The following MCCC2 variants were observed in gnomAD, a reference collection of about 807,000 sequenced individuals.
MCCC2 encodes methylcrotonoyl-CoA carboxylase beta chain, mitochondrial.
In MCCC2, 52 loss-of-function variants were observed where a neutral mutation model predicts 77.2. The observed-to-expected ratio is 0.67, with a 90% CI of 0.54 to 0.85. MCCC2 has a LOEUF of 0.85. Ranked by LOEUF, MCCC2 falls within the 40% of genes least tolerant of loss-of-function variation. The pLI, the probability that MCCC2 is intolerant of heterozygous loss-of-function variation, is 0.00. For missense variants in MCCC2, 682 were observed against 703.2 expected (o/e 0.97, Z 0.34); for synonymous variants, 253 against 248.4 (o/e 1.02, Z -0.18).
chr5:71,634,020 C>T (rs138221324), intron 8 of MCCC2, among the ~76,000 whole-genome samples: 4 of 152,338 alleles, frequency 2.6e-5, no homozygotes, highest in Non-Finnish European at 1.5e-5. Flanking sequence ...CATGAAATCA[C>T]TGAGAGCCTA....
At chr5:71,638,676 A>G (rs1445532338) in intron 10 of MCCC2, among the ~76,000 whole-genome samples, 1 of 152,214 alleles carries the variant, frequency 6.6e-6, no homozygotes, top group Non-Finnish European at 1.5e-5. Flanking sequence ...GCATGCCACC[A>G]TTCCCAGCTA....
intron 6 of MCCC2, among the ~76,000 whole-genome samples, chr5:71,616,541 C>G (rs1277952989): frequency 6.6e-6 from 1 of 152,154 alleles, no homozygotes; most frequent in African/African-American, 2.4e-5. Flanking sequence ...CTGTGTCAGA[C>G]AGTAGGAAAA....
chr5:71,656,468 G>A (rs1747580083), intron 16 of MCCC2, among the ~76,000 whole-genome samples: 1 of 152,104 alleles, frequency 6.6e-6, no homozygotes, highest in Admixed American at 6.6e-5. Flanking sequence ...TCAAATTAGG[G>A]GTTACTTTGA....
At chr5:71,647,391 G>T (rs140402509) in intron 13 of MCCC2, among the ~76,000 whole-genome samples, 1 of 152,192 alleles carries the variant, frequency 6.6e-6, no homozygotes, top group Non-Finnish European at 1.5e-5. Flanking sequence ...CAGCCTAAGA[G>T]GGTCCTGCAT....
chr5:71,634,494 G>A (rs1416029549), intron 8 of MCCC2, among the ~76,000 whole-genome samples: 1 of 152,218 alleles, frequency 6.6e-6, no homozygotes, highest in Admixed American at 6.5e-5. Context: ...TAGGAGCTCA[G>A]TTACGTACAC....
At chr5:71,597,953 G>A (rs558530121) in intron 3 of MCCC2, among the ~76,000 whole-genome samples, 26 of 152,104 alleles carry the variant, frequency 1.7e-4, no homozygotes, top group Non-Finnish European at 2.9e-4. Context: ...CTTACTTACT[G>A]TGTAACCTTA....
chr5:71,611,225 AC>A (rs1438994244), intron 6 of MCCC2, among the ~76,000 whole-genome samples: 1 of 151,966 alleles, frequency 6.6e-6, no homozygotes, highest in Non-Finnish European at 1.5e-5. Flanking sequence ...ACATAGGGAG[AC>A]CCTGTCTCTA....
intron 15 of MCCC2, among the ~76,000 whole-genome samples, chr5:71,651,505 C>T (rs1277915779): frequency 6.6e-6 from 1 of 152,160 alleles, no homozygotes; most frequent in African/African-American, 2.4e-5. Context: ...CCTGAAGTTG[C>T]TTAGGTACAC....
At chr5:71,624,565 C>T (rs960227619) in intron 6 of MCCC2, among the ~76,000 whole-genome samples, 7 of 151,660 alleles carry the variant, frequency 4.6e-5, no homozygotes, top group African/African-American at 4.8e-5. Context: ...TTAGTAGAGA[C>T]GGGGTTTCTC....
intron 1 of MCCC2, among the ~76,000 whole-genome samples, chr5:71,591,737 G>A (rs976907007): frequency 4.0e-5 from 6 of 151,116 alleles, no homozygotes; most frequent in Non-Finnish European, 8.9e-5. Flanking sequence ...ACGGCTGGCC[G>A]AGTTTTGTTC....
rs563621088 is a variant in MCCC2 at position 71,614,486 on chromosome 5, T to C, written c.624+10018T>C. ...TGAGACCCCATCTCTCTCTCTCTCT[T>C]TTTTTTTTTTTTTGAGATGGAGTCC... On this transcript the variant is annotated intron_variant, in intron 6 of 16. Coordinates refer to ENST00000340941, the MANE Select transcript of MCCC2 (RefSeq NM_022132.5). Among the ~76,000 whole-genome samples the C allele has an allele frequency of 1.8e-3, 254 of 143,524 alleles. 2 individuals carry two copies. The highest frequency in any genetic ancestry group is 1.9e-3 in the Non-Finnish European group (124 of 66,066). 94.2% of individuals were successfully genotyped at this position (143,524 alleles called of 152,430 possible). A position where few individuals can be genotyped will look rare whatever the true frequency, so the allele number is the denominator to read the frequency against.
Position 71,635,153 on chromosome 5 carries a change from C to T in MCCC2, c.906C>T (p.Val302=). 6.2e-7 allele frequency: 1 copy of T among 1,614,092 alleles called. No individual in the cohort carries two copies. Among genetic ancestry groups the T allele is most frequent in the Non-Finnish European group, 8.5e-7 (1 of 1,179,984 alleles). The stretch of plus-strand genomic sequence containing the variant: ...TAACATGATCTATATTTCTGCAGGT[C>T]ACCATTGAACCTTCTGAAGAGCCTT... ...RNLNYQKKLD[V]TIEPSEEPLF... is the part of the protein sequence containing the mutation. The change falls in exon 10 of 17, where the codon GTC becomes GTT. Residue 302 remains valine (V), a splice_region_variant and synonymous_variant. Coordinates refer to ENST00000340941, the MANE Select transcript of MCCC2 (RefSeq NM_022132.5).
At chr5:71,638,198 T>G (rs1329616078) in intron 10 of MCCC2, among the ~76,000 whole-genome samples, 1 of 152,220 alleles carries the variant, frequency 6.6e-6, no homozygotes, top group East Asian at 1.9e-4. Flanking sequence ...CCTCATCTGT[T>G]CAAGTTTGAA....
At chr5:71,597,254 G>C (rs547449491) in intron 3 of MCCC2, among the ~76,000 whole-genome samples, 21 of 152,268 alleles carry the variant, frequency 1.4e-4, no homozygotes, top group African/African-American at 4.8e-4. Flanking sequence ...AGGCTGGGGT[G>C]GTTGTGGTGG....
At chr5:71,593,552 A>C (rs987212247) in intron 2 of MCCC2, among the ~76,000 whole-genome samples, 1 of 150,620 alleles carries the variant, frequency 6.6e-6, no homozygotes, top group Non-Finnish European at 1.5e-5. Flanking sequence ...TTTATTTTTA[A>C]TTTTTATTAA....
At chr5:71,616,120 C>G (rs277951) in intron 6 of MCCC2, among the ~76,000 whole-genome samples, 18 of 152,160 alleles carry the variant, frequency 1.2e-4, no homozygotes, top group African/African-American at 3.9e-4. Context: ...TCCCACTCCG[C>G]GGGGACAGAA....
chr5:71,603,924 G>A (rs1021587914), intron 5 of MCCC2, among the ~76,000 whole-genome samples: 20 of 152,154 alleles, frequency 1.3e-4, no homozygotes, highest in Non-Finnish European at 2.1e-4. Context: ...TGCTTTGAAC[G>A]CAACTGACCT....
chr5:71,595,465 G>A (rs1396810232), intron 2 of MCCC2, among the ~76,000 whole-genome samples: 2 of 147,394 alleles, frequency 1.4e-5, no homozygotes, highest in Admixed American at 6.8e-5. Flanking sequence ...TTGGAAGATC[G>A]TTTGAGATTA....
chr5:71,649,152 G>C lies in MCCC2; in HGVS notation c.1272G>C (p.Lys424Asn), dbSNP rs1747359342. The change falls in exon 14 of 17, where the codon AAG becomes AAC. Residue 424 changes from lysine (K) to asparagine (N), a missense_variant. By Grantham distance (94) the Lys-to-Asn change is moderately conservative. Transcript: ENST00000340941. ...AAGGAATTGCCAAGGATGGTGCCAA[G>C]ATGGTGGCCGCTGTGGCCTGTGCCC... ...EAEGIAKDGAKMVAAVACAQV... is the reference protein window; with the variant it reads ...EAEGIAKDGANMVAAVACAQV... The C allele has an allele frequency of 1.2e-6, 2 of 1,614,252 alleles. No homozygotes were observed. The highest frequency in any genetic ancestry group is 3.3e-5 in the Admixed American group (2 of 60,030).
Sources: allele counts gnomAD v4.1 joint callset (sites outside exome capture counted in the v4.1 genomes callset), GRCh38; gene constraint gnomAD v4.1.1; transcripts MANE v1.5; gene names NCBI Gene and HGNC (gene_info 2026-07-23, HGNC 2026-07-21).